MYO16: variants seen among roughly 807,000 people sequenced by gnomAD.
The protein encoded by MYO16 is myosin XVI, also known as unconventional myosin-XVI.
A neutral mutation model predicts 205.3 loss-of-function variants in MYO16; 94 were observed. That is an observed-to-expected ratio of 0.46 (90% CI 0.39 to 0.54). The LOEUF is 0.54. Ranked by LOEUF, MYO16 falls within the 20% of genes least tolerant of loss-of-function variation. MYO16 has a pLI of 0.00. For synonymous variants in MYO16, 988 were observed against 954.0 expected (o/e 1.04, Z -0.66); for missense variants, 2,315 against 2,387.5 (o/e 0.97, Z 0.63).
chr13:108,741,985 T>G, intron 4 of MYO16, among the ~76,000 whole-genome samples: 1 of 152,164 alleles, frequency 6.6e-6, no homozygotes, highest in East Asian at 1.9e-4. Flanking sequence ...CTTATAATCC[T>G]TATTGTTTCC....
At chr13:108,608,838 T>C (rs972442708) in intron 1 of MYO16, among the ~76,000 whole-genome samples, 4 of 152,100 alleles carry the variant, frequency 2.6e-5, no homozygotes, top group Non-Finnish European at 5.9e-5. Flanking sequence ...AAGACAGGGT[T>C]TCACCATGTT....
intron 11 of MYO16, among the ~76,000 whole-genome samples, chr13:108,857,905 G>A (rs138467616): frequency 6.6e-6 from 1 of 152,186 alleles, no homozygotes; most frequent in African/African-American, 2.4e-5. Flanking sequence ...CTTTCCGAAT[G>A]TTCATATAAC....
intron 27 of MYO16, among the ~76,000 whole-genome samples, chr13:109,073,396 C>T (rs1887988557): frequency 1.3e-5 from 2 of 148,566 alleles, no homozygotes; most frequent in Admixed American, 1.4e-4. Context: ...CAGGCATGAG[C>T]CACTGCACAC....
chr13:109,129,125 A>T (rs1424752966), intron 31 of MYO16, among the ~76,000 whole-genome samples: 2 of 145,122 alleles, frequency 1.4e-5, no homozygotes, highest in Middle Eastern at 3.7e-3. Flanking sequence ...GTCATTAACT[A>T]TTGTCACCAT....
rs553508929 is a variant in MYO16, at chr13:108,740,136, C to T, written c.507+12553C>T. Among the ~76,000 whole-genome samples, 29 of 148,826 alleles carry T rather than the reference C, an allele frequency of 1.9e-4. No individual in the cohort carries two copies. In the East Asian group the frequency reaches 4.0e-3, roughly 20 times the overall value. On this transcript the variant is annotated intron_variant, in intron 4 of 34. Transcript: ENST00000457511. ...TGTCTGAAGCCCTCTTCTCTCAACT[C>T]GTCACAGTCATTCTCTGTCCAGCTT...
chr13:108,929,868 C>T (rs1359164931), intron 16 of MYO16, among the ~76,000 whole-genome samples: 1 of 151,968 alleles, frequency 6.6e-6, no homozygotes, highest in Non-Finnish European at 1.5e-5. Context: ...GAAAGTAAAC[C>T]ATCATAACTA....
rs1436962953 is a variant in MYO16, at chr13:108,785,650, C to G, written c.523C>G (p.Leu175Val). 6.2e-7 allele frequency: 1 copy of G among 1,609,552 alleles called. No individual in the cohort carries two copies. The highest frequency in any genetic ancestry group is 8.5e-7 in the Non-Finnish European group (1 of 1,178,242). ...TTTTATCTAGGCTGGAGCCAATGTC[C>G]TTCTCCAGGATGTGAATGGAAATAT... ...LLLVLAGANV[L>V]LQDVNGNIPL... Residue 175 changes from leucine (L) to valine (V), a missense_variant, in exon 5 of 35, where the codon CTT becomes GTT. Coordinates refer to ENST00000457511, the MANE Select transcript of MYO16 (RefSeq NM_001198950.3).
At chr13:108,602,383 T>C (rs1254687689) in intron 1 of MYO16, among the ~76,000 whole-genome samples, 1 of 152,184 alleles carries the variant, frequency 6.6e-6, no homozygotes, top group African/African-American at 2.4e-5. Flanking sequence ...GCCTCTCTGA[T>C]GCACTCTTTG....
intron 4 of MYO16, among the ~76,000 whole-genome samples, chr13:108,781,933 G>A (rs926797776): frequency 6.6e-6 from 1 of 152,172 alleles, no homozygotes; most frequent in Non-Finnish European, 1.5e-5. Flanking sequence ...CCCCAGCCAT[G>A]TGGAACTGTA....
intron 3 of MYO16, among the ~76,000 whole-genome samples, chr13:108,725,222 C>T (rs534212760): frequency 1.4e-4 from 21 of 152,190 alleles, no homozygotes; most frequent in East Asian, 1.4e-3. Flanking sequence ...GTTATAAATA[C>T]GGTTTTAACA....
At chr13:108,809,562 T>A (rs1887220910) in intron 7 of MYO16, among the ~76,000 whole-genome samples, 1 of 152,122 alleles carries the variant, frequency 6.6e-6, no homozygotes, top group South Asian at 2.1e-4. Flanking sequence ...GGGGGATGTA[T>A]GCTTCGGGCG....
At chr13:108,866,090 T>A in intron 11 of MYO16, 87 bp from the exon 12 acceptor site, 1 of 841,122 alleles carries the variant, frequency 1.2e-6, no homozygotes, top group East Asian at 3.0e-5. Context: ...TTATATTTCA[T>A]ACACTGGTTT....
intron 4 of MYO16, among the ~76,000 whole-genome samples, chr13:108,745,282 G>A (rs1594259063): frequency 1.3e-5 from 2 of 152,168 alleles, no homozygotes; most frequent in Non-Finnish European, 2.9e-5. Flanking sequence ...AGACTAGTAT[G>A]GAGTGAGGAA....
chr13:108,579,111 GCAT>G, the MYO16 span, among the ~76,000 whole-genome samples: 1,822 of 152,204 alleles, frequency 0.012, 17 homozygotes, highest in Middle Eastern at 0.024. Flanking sequence ...AAGACCAATG[GCAT>G]CTTCAAAGGC....
intron 15 of MYO16, among the ~76,000 whole-genome samples, chr13:108,905,873 A>G (rs532685532): frequency 2.0e-5 from 3 of 152,310 alleles, no homozygotes; most frequent in Admixed American, 2.0e-4. Flanking sequence ...CAGAGGGCCA[A>G]ATTCATCACC....
chr13:108,609,086 T>C (rs997624482), intron 1 of MYO16, among the ~76,000 whole-genome samples: 19 of 152,190 alleles, frequency 1.2e-4, no homozygotes, highest in Admixed American at 3.9e-4. Flanking sequence ...TTATTTTCCA[T>C]AGGCAGGTTC....
intron 23 of MYO16, among the ~76,000 whole-genome samples, chr13:109,044,482 C>T (rs575219245): frequency 4.7e-4 from 72 of 151,702 alleles, no homozygotes; most frequent in African/African-American, 1.7e-3. Context: ...TTTGATGTAA[C>T]TGAAATGACA....
At chr13:108,595,364 C>T (rs893608880), upstream of MYO16, among the ~76,000 whole-genome samples, 1 of 152,112 alleles carries the variant, frequency 6.6e-6, no homozygotes, top group Non-Finnish European at 1.5e-5. Flanking sequence ...CCCCACCCCA[C>T]ATGGCTGGAA....
chr13:108,948,076 T>G (rs942851964), intron 16 of MYO16, among the ~76,000 whole-genome samples: 2 of 152,194 alleles, frequency 1.3e-5, no homozygotes, highest in African/African-American at 4.8e-5. Flanking sequence ...GACTTAAAAT[T>G]TAAAATTAGT....
Sources: allele counts gnomAD v4.1 joint callset (sites outside exome capture counted in the v4.1 genomes callset), GRCh38; gene constraint gnomAD v4.1.1; transcripts MANE v1.5; gene names NCBI Gene and HGNC (gene_info 2026-07-23, HGNC 2026-07-21).